The following LATS1 variants were observed in gnomAD, a reference collection of about 807,000 sequenced individuals.
The protein encoded by LATS1 is serine/threonine-protein kinase LATS1.
LATS1 carries 25 observed loss-of-function variants against 106.6 expected under a neutral mutation model. The observed-to-expected ratio is 0.23, with a 90% CI of 0.17 to 0.33. The LOEUF is 0.33. Among genes scored for constraint, LATS1 ranks in the 10% least tolerant of loss-of-function variants. The pLI is 1.00. For synonymous variants in LATS1, 465 were observed against 455.6 expected (o/e 1.02, Z -0.26); for missense variants, 1,040 against 1,382.6 (o/e 0.75, Z 3.93).
chr6:149,674,403 T>C (rs1464687848), intron 7 of LATS1, among the ~76,000 whole-genome samples: 1 of 152,074 alleles, frequency 6.6e-6, no homozygotes, highest in Non-Finnish European at 1.5e-5. Context: ...TGAGATGGGA[T>C]CTCACTCTGT....
Position 149,661,566 on chromosome 6 carries a change from A to T in LATS1, c.*163T>A. The T allele has an allele frequency of 3.7e-6, 2 of 535,118 alleles. No homozygotes were observed. The highest frequency in any genetic ancestry group is 6.1e-6 in the Non-Finnish European group (2 of 327,468). 33.1% of individuals were successfully genotyped at this position (535,118 alleles called of 1,614,324 possible). A position where few individuals can be genotyped will look rare whatever the true frequency, so the allele number is the denominator to read the frequency against. The stretch of plus-strand genomic sequence containing the variant: ...CTGATTTAAACGGCTGGAATAAATT[A>T]ACATTTTAAAAGGATTTCCCATAAT... On this transcript the variant is annotated 3_prime_UTR_variant, in exon 8 of 8. Coordinates refer to ENST00000543571, the MANE Select transcript of LATS1 (RefSeq NM_004690.4).
chr6:149,684,630 T>C (rs1782262415), intron 3 of LATS1, 38 bp from the exon 4 acceptor site: 1 of 1,447,564 alleles, frequency 6.9e-7, no homozygotes. Context: ...AAAAGAATCA[T>C]GTTTTTAACC....
chr6:149,676,751 G>T lies in LATS1; in HGVS notation c.2594-14C>A, dbSNP rs371387958. 3.0e-4 allele frequency: 472 copies of T among 1,600,002 alleles called. No individual in the cohort carries two copies. The highest frequency in any genetic ancestry group is 3.8e-4 in the Non-Finnish European group (447 of 1,169,428). ...GTGGATGGTCACCTGCACAACAAAA[G>T]AATAAGTAAATAAAGTCAACAATGA... On this transcript the variant is annotated splice_polypyrimidine_tract_variant and intron_variant, in intron 5 of 7. Transcript: ENST00000543571.
At chr6:149,703,695 C>T (rs1204569216) in intron 1 of LATS1, among the ~76,000 whole-genome samples, 4 of 151,544 alleles carry the variant, frequency 2.6e-5, no homozygotes, top group African/African-American at 9.7e-5. Context: ...GAGACCCTGT[C>T]TACATTAAAA....
chr6:149,711,156 T>C (rs941007808), intron 1 of LATS1, among the ~76,000 whole-genome samples: 2 of 152,074 alleles, frequency 1.3e-5, no homozygotes, highest in East Asian at 3.8e-4. Flanking sequence ...ACATGTGAAC[T>C]TCGACTGTGG....
chr6:149,715,455 G>T (rs954559276), intron 1 of LATS1, among the ~76,000 whole-genome samples: 3 of 152,270 alleles, frequency 2.0e-5, no homozygotes, highest in Non-Finnish European at 4.4e-5. Context: ...CTGCAAACTG[G>T]TAACTTCAAT....
chr6:149,680,227 G>T lies in LATS1; in HGVS notation c.2241C>A (p.Val747=), dbSNP rs779685779. ...TATCTCTCTCAGCCTTAACATGAGCGACTTGATTTCGAAGAAGAACATCTT... is the reference window on the plus strand; with the variant it reads ...TATCTCTCTCAGCCTTAACATGAGCTACTTGATTTCGAAGAAGAACATCTT... The part of the protein sequence containing the change: ...RKKDVLLRNQ[V]AHVKAERDIL... The change falls in exon 5 of 8, where the codon GTC becomes GTA. Residue 747 remains valine, a synonymous_variant. Transcript: ENST00000543571. The T allele has an allele frequency of 6.2e-7, 1 of 1,613,964 alleles. No homozygotes were observed. Among genetic ancestry groups the T allele is most frequent in the Admixed American group, 1.7e-5 (1 of 60,020 alleles).
At chr6:149,682,090 GAC>G (rs10539404) in intron 4 of LATS1, among the ~76,000 whole-genome samples, 51,306 of 148,576 alleles carry the variant, frequency 0.35, 10,419 homozygotes, top group East Asian at 0.81. Flanking sequence ...CCAGCCTGGC[GAC>G]AGAGTGAGAT....
rs367556235 is a variant in LATS1 at position 149,661,628 on chromosome 6, T to C, written c.*101A>G. Reference sequence around the variant, plus strand: ...AAATATTGTACACAGAGCACACATATATAGCTCTGTCATATTTGCATAATT... The same window carrying C: ...AAATATTGTACACAGAGCACACATACATAGCTCTGTCATATTTGCATAATT... On this transcript the variant is annotated 3_prime_UTR_variant, in exon 8 of 8. Coordinates refer to ENST00000543571, the MANE Select transcript of LATS1 (RefSeq NM_004690.4). The C allele has an allele frequency of 5.9e-5, 54 of 920,956 alleles. No individual in the cohort carries two copies. The highest frequency in any genetic ancestry group is 9.7e-5 in the East Asian group (4 of 41,118). The allele number at this position is 920,956 out of a possible 1,614,324, so 57.0% of individuals were successfully genotyped here. A position where few individuals can be genotyped will look rare whatever the true frequency, so the allele number is the denominator to read the frequency against.
Position 149,661,794 on chromosome 6 carries a change from G to C in LATS1, c.3328C>G (p.Gln1110Glu). 1 of 1,607,060 alleles carries C rather than the reference G, an allele frequency of 6.2e-7. No homozygotes were observed. Among genetic ancestry groups the C allele is most frequent in the Non-Finnish European group, 8.5e-7 (1 of 1,177,162 alleles). The stretch of plus-strand genomic sequence containing the variant: ...GTGTTTTGATCATCTTCATCCGACT[G>C]CTGCTCTGAGCCTTGTGAATTAATG... Reference protein sequence around the residue: ...EYINSQGSEQQSDEDDQNTGS... With the variant: ...EYINSQGSEQESDEDDQNTGS... Residue 1110 changes from glutamine (Q) to glutamate (E), a missense_variant, in exon 8 of 8, where the codon CAG becomes GAG. By Grantham distance (29) the Gln-to-Glu change is conservative (BLOSUM62 2). Around this residue, in one of 7 missense-constraint regions of LATS1, gnomAD observed 46 missense variants for 42.4 expected, o/e 1.09. Transcript: ENST00000543571.
intron 7 of LATS1, among the ~76,000 whole-genome samples, chr6:149,675,290 G>C (rs768990073): frequency 1.6e-4 from 25 of 151,810 alleles, no homozygotes; most frequent in Non-Finnish European, 3.1e-4. Context: ...ATAGAAGAGA[G>C]AGATGGAAGT....
At chr6:149,682,420 T>TG (rs1782099320) in intron 4 of LATS1, among the ~76,000 whole-genome samples, 1 of 150,604 alleles carries the variant, frequency 6.6e-6, no homozygotes, top group African/African-American at 2.4e-5. Flanking sequence ...TTTTTCTTTT[T>TG]TTTTTTTTTT....
intron 1 of LATS1, among the ~76,000 whole-genome samples, chr6:149,714,614 A>G (rs1385438329): frequency 2.0e-5 from 3 of 152,338 alleles, no homozygotes; most frequent in East Asian, 3.9e-4. Context: ...ATTAAGAAGA[A>G]GAAAAAAAAA....
At chr6:149,692,607 C>T (rs1055609390) in intron 3 of LATS1, among the ~76,000 whole-genome samples, 2 of 151,808 alleles carry the variant, frequency 1.3e-5, no homozygotes, top group African/African-American at 2.4e-5. Context: ...AGTGGTTGAC[C>T]AATAAAAATT....
intron 3 of LATS1, among the ~76,000 whole-genome samples, chr6:149,694,735 A>G (rs2114905163): frequency 6.6e-6 from 1 of 152,264 alleles, no homozygotes; most frequent in Admixed American, 6.5e-5. Context: ...TGTTGATCAT[A>G]TTTTACTCCC....
chr6:149,676,476 T>A, intron 6 of LATS1, 79 bp downstream of exon 6: 1 of 1,424,490 alleles, frequency 7.0e-7, no homozygotes, highest in Non-Finnish European at 9.7e-7. Context: ...ATTATAAGCC[T>A]GAAAAATAAG....
intron 7 of LATS1, among the ~76,000 whole-genome samples, chr6:149,669,984 C>T (rs1781355828): frequency 6.6e-6 from 1 of 151,244 alleles, no homozygotes; most frequent in Non-Finnish European, 1.5e-5. Flanking sequence ...CCAGCCTGGC[C>T]AACACAGTGA....
In LATS1 at chr6:149,658,165, A is replaced by T. The variant is rs1412260088; in HGVS notation, c.*3564T>A. The T allele has an allele frequency of 6.6e-6, 1 of 152,208 alleles. No individual in the cohort carries two copies. Among genetic ancestry groups the T allele is most frequent in the African/African-American group, 2.4e-5 (1 of 41,472 alleles). The allele number at this position is 152,208 out of a possible 1,614,324, so 9.4% of individuals were successfully genotyped here. A position where few individuals can be genotyped will look rare whatever the true frequency, so the allele number is the denominator to read the frequency against. ...TTTCCACACATAATTGAAAGATTTG[A>T]ATTTTTTTTATTATCCCAGCAAACA... On this transcript the variant is annotated 3_prime_UTR_variant, in exon 8 of 8. Coordinates refer to ENST00000543571, the MANE Select transcript of LATS1 (RefSeq NM_004690.4).
Position 149,676,690 on chromosome 6 carries a change from C to A in LATS1, c.2641G>T (p.Asp881Tyr), listed in dbSNP as rs1410156501. 1.9e-6 allele frequency: 3 copies of A among 1,613,694 alleles called. No individual in the cohort carries two copies. The highest frequency in any genetic ancestry group is 3.3e-5 in the Admixed American group (2 of 59,976). Residue 881 changes from aspartate to tyrosine, a missense_variant, in exon 6 of 8, where the codon GAT becomes TAT. Physicochemically the swap from Asp to Tyr is radical, Grantham distance 160. This residue lies in a region of LATS1 where 63 missense variants were observed against 64.3 expected (regional missense o/e 0.98). Coordinates refer to ENST00000543571, the MANE Select transcript of LATS1 (RefSeq NM_004690.4). The stretch of plus-strand genomic sequence containing the variant: ...TCTCCACATCGACAGCTTGAGGGAT[C>A]CCCCCATTCATTACTGAAATCCATG... The part of the protein sequence containing the change: ...DSMDFSNEWG[D>Y]PSSCRCGDRL...
Sources: allele counts gnomAD v4.1 joint callset (sites outside exome capture counted in the v4.1 genomes callset), GRCh38; gene constraint gnomAD v4.1.1; regional missense constraint gnomAD v4.1.1; transcripts MANE v1.5; gene names NCBI Gene and HGNC (gene_info 2026-07-23, HGNC 2026-07-21).